HSPBAP1: variants seen among roughly 807,000 people sequenced by gnomAD.
HSPBAP1 encodes the protein HSPB1-associated protein 1.
HSPBAP1 carries 27 observed loss-of-function variants against 45.2 expected under a neutral mutation model. That is an observed-to-expected ratio of 0.60 (90% confidence interval 0.44 to 0.82). HSPBAP1 has a LOEUF of 0.82. Ranked by LOEUF, HSPBAP1 falls within the 40% of genes least tolerant of loss-of-function variation. The pLI is 0.00. For missense variants in HSPBAP1, 510 were observed against 590.9 expected (o/e 0.86, Z 1.42); for synonymous variants, 204 against 202.7 (o/e 1.01, Z -0.06).
chr3:122,793,247 C>T (rs1935891987), intron 1 of HSPBAP1, among the ~76,000 whole-genome samples: 1 of 152,208 alleles, frequency 6.6e-6, no homozygotes, highest in Non-Finnish European at 1.5e-5. Flanking sequence ...TCCCTGTTCA[C>T]AAAAGTCTCA....
intron 5 of HSPBAP1, 110 bp downstream of exon 5, chr3:122,755,150 C>G (rs1430708976): frequency 8.2e-7 from 1 of 1,214,788 alleles, no homozygotes; most frequent in Non-Finnish European, 1.1e-6. Flanking sequence ...GGGAAGGAAG[C>G]CATTCTCATT....
intron 3 of HSPBAP1, among the ~76,000 whole-genome samples, chr3:122,760,379 C>T (rs1366710414): frequency 6.6e-6 from 1 of 151,736 alleles, no homozygotes; most frequent in African/African-American, 2.4e-5. Context: ...AAAAACACCC[C>T]ACTTCTATGT....
intron 2 of HSPBAP1, among the ~76,000 whole-genome samples, chr3:122,771,621 C>A (rs74693831): frequency 2.6e-5 from 4 of 152,168 alleles, no homozygotes; most frequent in Non-Finnish European, 5.9e-5. Context: ...ATCACTCTAT[C>A]CCCCTGCTTT....
rs1934206894 is a variant in HSPBAP1 at position 122,752,835 on chromosome 3, T to C, written c.742-161A>G. The C allele has an allele frequency of 2.2e-6, 3 of 1,373,260 alleles. No homozygotes were observed. In the Admixed American group the frequency reaches 1.1e-4, roughly 48 times the overall value. The allele number at this position is 1,373,260 out of a possible 1,614,324, so 85.1% of individuals were successfully genotyped here. A position where few individuals can be genotyped will look rare whatever the true frequency, so the allele number is the denominator to read the frequency against. On this transcript the variant is annotated intron_variant, in intron 5 of 7. Transcript: ENST00000306103. The stretch of plus-strand genomic sequence containing the variant: ...AGTAAGAAAAAAAACCCCGCAAACC[T>C]TTTTTCCTTTTATTCCTTTTTTATT...
intron 1 of HSPBAP1, chr3:122,786,388 C>T (rs1055522833): frequency 1.3e-5 from 2 of 152,052 alleles, no homozygotes; most frequent in Non-Finnish European, 2.9e-5. Context: ...TTTGGGGTAG[C>T]GATTTATTTA....
chr3:122,744,999 G>GAA (rs66500193), intron 6 of HSPBAP1, among the ~76,000 whole-genome samples: 9 of 151,438 alleles, frequency 5.9e-5, no homozygotes, highest in Non-Finnish European at 1.3e-4. Flanking sequence ...TCCTGATTTT[G>GAA]AAAAAAACAA....
At chr3:122,776,981 C>T (rs1935210636) in intron 2 of HSPBAP1, among the ~76,000 whole-genome samples, 1 of 152,044 alleles carries the variant, frequency 6.6e-6, no homozygotes, top group Admixed American at 6.6e-5. Flanking sequence ...CCAAACTTAC[C>T]CATATTGAAA....
chr3:122,785,862 T>C (rs973765347), intron 1 of HSPBAP1, among the ~76,000 whole-genome samples: 2 of 152,066 alleles, frequency 1.3e-5, no homozygotes, highest in Non-Finnish European at 2.9e-5. Context: ...GATAGATAGA[T>C]AGATAGGGAA....
chr3:122,768,689 G>C lies in HSPBAP1; in HGVS notation c.432+12C>G. ...AATTCCTACCAAGATTAGAAGGAAG[G>C]TTCTGACTTACCTGGAAAAGATCTG... On this transcript the variant is annotated intron_variant, in intron 3 of 7. Transcript: ENST00000306103. The C allele has an allele frequency of 1.9e-6, 3 of 1,583,774 alleles. No homozygotes were observed. The highest frequency in any genetic ancestry group is 2.6e-6 in the Non-Finnish European group (3 of 1,154,352).
intron 3 of HSPBAP1, among the ~76,000 whole-genome samples, chr3:122,759,822 C>T (rs1322310703): frequency 1.3e-5 from 2 of 152,142 alleles, no homozygotes; most frequent in Non-Finnish European, 1.5e-5. Flanking sequence ...GTCAGAAAGC[C>T]GTATTTCCTC....
intron 6 of HSPBAP1, 81 bp downstream of exon 6, chr3:122,752,510 T>G (rs762830679): frequency 9.5e-5 from 76 of 803,578 alleles, no homozygotes; most frequent in Non-Finnish European, 1.3e-4. Context: ...AATTACCCAG[T>G]TGTACAGCCA....
intron 1 of HSPBAP1, among the ~76,000 whole-genome samples, chr3:122,789,661 A>AT (rs1935761890): frequency 6.6e-6 from 1 of 152,152 alleles, no homozygotes; most frequent in African/African-American, 2.4e-5. Context: ...AGAATACCTG[A>AT]TTTTTAGCAA....
chr3:122,780,800 G>A (rs1269549267), intron 1 of HSPBAP1, among the ~76,000 whole-genome samples: 2 of 149,798 alleles, frequency 1.3e-5, no homozygotes, highest in Non-Finnish European at 3.0e-5. Context: ...TTCTCAGACG[G>A]GGCGGTTGCC....
intron 2 of HSPBAP1, among the ~76,000 whole-genome samples, chr3:122,774,283 G>T (rs1353682321): frequency 3.3e-5 from 5 of 152,204 alleles, no homozygotes; most frequent in Admixed American, 2.6e-4. Context: ...TATGGGGAAG[G>T]ATAGATTTGG....
chr3:122,762,591 A>G (rs1431082105), intron 3 of HSPBAP1, among the ~76,000 whole-genome samples: 2 of 152,116 alleles, frequency 1.3e-5, no homozygotes, highest in African/African-American at 4.8e-5. Flanking sequence ...GGACTAGCCT[A>G]ATATTTCCTA....
intron 6 of HSPBAP1, among the ~76,000 whole-genome samples, chr3:122,747,607 A>C (rs1412593550): frequency 2.3e-5 from 3 of 132,006 alleles, no homozygotes; most frequent in Non-Finnish European, 3.2e-5. Flanking sequence ...CCGCCCGGCC[A>C]GCCGCCCCAT....
rs144383246 is a variant in HSPBAP1, at chr3:122,766,856, A to G, written c.432+1845T>C. ...TTAAAATGGGGACAATTATTAAATC[A>G]TAGAGTTACTTTGAGGATTATAAGT... is the stretch of plus-strand genomic sequence containing the variant. On this transcript the variant is annotated intron_variant, in intron 3 of 7. Coordinates refer to ENST00000306103, the MANE Select transcript of HSPBAP1 (RefSeq NM_024610.6). Among the ~76,000 whole-genome samples, 6 of 152,368 alleles carry G rather than the reference A, an allele frequency of 3.9e-5. No individual in the cohort carries two copies. In the East Asian group the frequency reaches 1.2e-3, roughly 29 times the overall value.
At chr3:122,783,569 A>G (rs1935560105) in intron 1 of HSPBAP1, among the ~76,000 whole-genome samples, 1 of 152,254 alleles carries the variant, frequency 6.6e-6, no homozygotes, top group African/African-American at 2.4e-5. Context: ...TTACATGTAC[A>G]TGGGAGCCCT....
chr3:122,769,966 A>G (rs968047399), intron 2 of HSPBAP1, among the ~76,000 whole-genome samples: 4 of 152,246 alleles, frequency 2.6e-5, no homozygotes, highest in African/African-American at 9.6e-5. Flanking sequence ...GGTGTGGGCC[A>G]CCGTGCCCAG....
Sources: gnomAD v4.1 joint callset for allele counts (sites outside exome capture counted in the v4.1 genomes callset) on GRCh38, gnomAD v4.1.1 for gene constraint, MANE v1.5 for transcripts, NCBI Gene and HGNC (gene_info 2026-07-23, HGNC 2026-07-21) for gene names.